RNF220: variants seen among roughly 807,000 people sequenced by gnomAD.
RNF220 encodes E3 ubiquitin-protein ligase RNF220.
Under a neutral mutation model 67.1 loss-of-function variants are expected in RNF220, and 7 were observed. The ratio of observed to expected loss-of-function variants is 0.10; its 90% CI spans 0.06 to 0.20. The LOEUF (loss-of-function observed/expected upper bound fraction) is 0.20, where lower values mean the gene tolerates loss of function less well. Among genes scored for constraint, RNF220 ranks in the 10% least tolerant of loss-of-function variants. The pLI, the probability that RNF220 is intolerant of heterozygous loss-of-function variation, is 1.00. For missense variants in RNF220, 565 were observed against 740.3 expected, an observed-to-expected ratio of 0.76 and a Z score of 2.75; for synonymous variants, 270 against 283.2, an observed-to-expected ratio of 0.95 and a Z score of 0.47.
In RNF220 at chr1:44,412,487, G is replaced by A; in HGVS notation, c.390G>A (p.Glu130=). 2 of 1,611,802 alleles carry A rather than the reference G, an allele frequency of 1.2e-6. No individual in the cohort carries two copies. The highest frequency in any genetic ancestry group is 1.7e-6 in the Non-Finnish European group (2 of 1,178,086). The change falls in exon 2 of 15, where the codon GAG becomes GAA. Residue 130 remains glutamate (E), a synonymous_variant. Transcript: ENST00000361799. This position sits in a 1 kb window ranked among gnomAD's most constrained non-coding sequence, Gnocchi z 5.3. ...FRPFASTEDR[E]SYQSAFTPAK... is the part of the protein sequence containing the mutation. ...CCTTTGCCTCCACCGAGGACCGGGA[G>A]AGCTATCAGTCAGCCTTTACGCCGG...
At chr1:44,450,922 G>A (rs1218288677) in intron 2 of RNF220, among the ~76,000 whole-genome samples, 1 of 152,162 alleles carries the variant, frequency 6.6e-6, no homozygotes, top group African/African-American at 2.4e-5. Flanking sequence ...GGTGGCTCAC[G>A]CCTGTAATCC....
At chr1:44,441,149 T>C (rs559127795) in intron 2 of RNF220, among the ~76,000 whole-genome samples, 4 of 152,252 alleles carry the variant, frequency 2.6e-5, no homozygotes, top group Admixed American at 2.0e-4. Context: ...AGGGGGGAAA[T>C]CCTTGCCCTA....
chr1:44,550,087 C>G (rs2148252483), intron 2 of RNF220, among the ~76,000 whole-genome samples: 1 of 152,230 alleles, frequency 6.6e-6, no homozygotes, highest in African/African-American at 2.4e-5. Flanking sequence ...TGTTTCAGGC[C>G]CTATGGCTCA....
intron 6 of RNF220, 110 bp from the exon 7 acceptor site, chr1:44,635,435 A>T: frequency 6.6e-7 from 1 of 1,506,590 alleles, no homozygotes. Context: ...GCACTGAATA[A>T]AAAGGCCAAT....
chr1:44,580,030 C>CAAATAAAAAAAAAA (rs1665124376), intron 2 of RNF220, among the ~76,000 whole-genome samples: 1 of 65,240 alleles, frequency 1.5e-5, no homozygotes, highest in Non-Finnish European at 3.2e-5. Flanking sequence ...CCCTGTCTCA[C>CAAATAAAAAAAAAA]AAAAAAAAAA....
intron 2 of RNF220, among the ~76,000 whole-genome samples, chr1:44,487,336 A>AAAATAAAT (rs149516718): frequency 6.8e-6 from 1 of 146,950 alleles, no homozygotes; most frequent in African/African-American, 2.5e-5. Flanking sequence ...CTCTGTCTCA[A>AAAATAAAT]AAATAAATAA....
intron 2 of RNF220, among the ~76,000 whole-genome samples, chr1:44,599,281 A>G (rs925606486): frequency 6.6e-6 from 1 of 152,254 alleles, no homozygotes; most frequent in Non-Finnish European, 1.5e-5. Flanking sequence ...GTATGCAATA[A>G]TCGACATATA....
intron 3 of RNF220, among the ~76,000 whole-genome samples, chr1:44,618,669 C>T (rs1488202345): frequency 1.3e-5 from 2 of 152,100 alleles, no homozygotes; most frequent in African/African-American, 4.8e-5. Context: ...ATTCATGAGC[C>T]AGGGTGAAGC....
intron 3 of RNF220, among the ~76,000 whole-genome samples, chr1:44,616,969 T>A (rs879714688): frequency 4.6e-5 from 7 of 152,034 alleles, no homozygotes; most frequent in Admixed American, 2.0e-4. Context: ...AACCCCCTTA[T>A]CCCTCACATC....
chr1:44,630,487 CTT>C (rs1294878813), intron 5 of RNF220, among the ~76,000 whole-genome samples: 1 of 152,236 alleles, frequency 6.6e-6, no homozygotes, highest in East Asian at 1.9e-4. Flanking sequence ...CTCATAAAGT[CTT>C]TCTCCCGTTC....
At chr1:44,498,571 C>T (rs1657551958) in intron 2 of RNF220, among the ~76,000 whole-genome samples, 1 of 152,166 alleles carries the variant, frequency 6.6e-6, no homozygotes, top group African/African-American at 2.4e-5. Context: ...TGGGAGTTTT[C>T]ATTTTCCTGG....
chr1:44,645,720 C>T lies in RNF220; in HGVS notation c.1445+232C>T, dbSNP rs988370386. ...TTGGCGGTGGGAGGAGCAGTCCACC[C>T]GCCTGCCTGCCTGCCTGCCCGCCTG... On this transcript the variant is annotated intron_variant, in intron 12 of 14. Transcript: ENST00000361799. This position sits in a 1 kb window ranked among gnomAD's most constrained non-coding sequence, Gnocchi z 5.0. 2.0e-5 allele frequency among the ~76,000 whole-genome samples: 3 copies of T among 152,164 alleles called. No individual in the cohort carries two copies. The highest frequency in any genetic ancestry group is 2.9e-5 in the Non-Finnish European group (2 of 68,020).
chr1:44,446,596 G>C (rs1253298652), intron 2 of RNF220, among the ~76,000 whole-genome samples: 3 of 143,346 alleles, frequency 2.1e-5, no homozygotes, highest in Admixed American at 1.5e-4. Context: ...GTCTTGCTCT[G>C]TCACCCAGGC....
intron 6 of RNF220, among the ~76,000 whole-genome samples, chr1:44,634,289 C>T (rs1181589523): frequency 6.6e-6 from 1 of 152,188 alleles, no homozygotes; most frequent in Non-Finnish European, 1.5e-5. Flanking sequence ...CACTTTTTAG[C>T]TACTTGGACA....
Position 44,412,408 on chromosome 1 carries a change from T to G in RNF220, c.311T>G (p.Leu104Arg). Residue 104 changes from leucine to arginine, a missense_variant, in exon 2 of 15, where the codon CTA (leucine) becomes CGA (arginine). By Grantham distance (102) the Leu-to-Arg change is moderately radical. Coordinates refer to ENST00000361799, the MANE Select transcript of RNF220 (RefSeq NM_018150.4). The surrounding 1 kb of genome is among the most constrained non-coding windows in gnomAD (Gnocchi z 5.3). ...HLHPQFAPPN[L>R]DCTPISMLNH... ...CACCCTCAATTTGCTCCCCCAAATCTAGATTGCACCCCAATCAGTATGCTG... is the reference window on the plus strand; with the variant it reads ...CACCCTCAATTTGCTCCCCCAAATCGAGATTGCACCCCAATCAGTATGCTG... The G allele has an allele frequency of 6.2e-7, 1 of 1,613,392 alleles. No homozygotes were observed. The highest frequency in any genetic ancestry group is 8.5e-7 in the Non-Finnish European group (1 of 1,179,416).
intron 2 of RNF220, among the ~76,000 whole-genome samples, chr1:44,456,525 T>C (rs923943286): frequency 6.6e-6 from 1 of 152,210 alleles, no homozygotes; most frequent in African/African-American, 2.4e-5. Context: ...CACTGGGAAC[T>C]GTTTTAGGCA....
At chr1:44,543,821 C>T (rs1291131978) in intron 2 of RNF220, among the ~76,000 whole-genome samples, 1 of 152,194 alleles carries the variant, frequency 6.6e-6, no homozygotes, top group Non-Finnish European at 1.5e-5. Flanking sequence ...ACCCCTCCCC[C>T]GTCCTGCCAA....
chr1:44,484,516 CGT>C (rs2148032003), intron 2 of RNF220, among the ~76,000 whole-genome samples: 1 of 152,142 alleles, frequency 6.6e-6, no homozygotes, highest in Admixed American at 6.5e-5. Context: ...CCCCTGTGGC[CGT>C]GTCTGGAGAC....
intron 2 of RNF220, among the ~76,000 whole-genome samples, chr1:44,503,162 C>T (rs574149416): frequency 1.3e-5 from 2 of 151,842 alleles, no homozygotes; most frequent in South Asian, 2.1e-4. Context: ...GGTGAAACCC[C>T]GTCTCTGCTG....
Sources: allele counts gnomAD v4.1 joint callset (sites outside exome capture counted in the v4.1 genomes callset), GRCh38; gene constraint gnomAD v4.1.1; non-coding constraint Gnocchi (gnomAD v3.1); transcripts MANE v1.5; gene names NCBI Gene and HGNC (gene_info 2026-07-23, HGNC 2026-07-21).